Variants in FANCC observed in about 807,000 individuals in gnomAD.
FANCC encodes FA complementation group C.
Under a neutral mutation model 71.3 loss-of-function variants are expected in FANCC, and 55 were observed. The observed-to-expected ratio is 0.77, with a 90% CI of 0.62 to 0.97. The LOEUF (loss-of-function observed/expected upper bound fraction) is 0.97, where lower values mean the gene tolerates loss of function less well. Ranked by LOEUF, FANCC falls within the 50% of genes least tolerant of loss-of-function variation. The pLI, the probability that FANCC is intolerant of heterozygous loss-of-function variation, is 0.00. For missense variants in FANCC, 678 were observed against 670.9 expected, an observed-to-expected ratio of 1.01 and a Z score of -0.12; for synonymous variants, 275 against 244.9, an observed-to-expected ratio of 1.12 and a Z score of -1.15.
At chr9:95,224,442 A>G in intron 4 of FANCC, among the ~76,000 whole-genome samples, 1 of 152,126 alleles carries the variant, frequency 6.6e-6, no homozygotes, top group East Asian at 1.9e-4. Flanking sequence ...TAACAAGATA[A>G]TGCATGCATA....
chr9:95,144,757 G>C (rs1411409034), intron 7 of FANCC, among the ~76,000 whole-genome samples: 2 of 152,204 alleles, frequency 1.3e-5, no homozygotes, highest in African/African-American at 4.8e-5. Flanking sequence ...AATCGCCGTG[G>C]AGAGTAAAAA....
intron 1 of FANCC, chr9:95,294,153 G>C: frequency 6.2e-7 from 1 of 1,605,352 alleles, no homozygotes. Flanking sequence ...TGCCTGCTCA[G>C]ACATTGGATC....
chr9:95,148,345 C>T (rs1337023109), intron 7 of FANCC, among the ~76,000 whole-genome samples: 2 of 152,210 alleles, frequency 1.3e-5, no homozygotes, highest in South Asian at 2.1e-4. Context: ...CACTTGACCA[C>T]TTTTTGTCAT....
At chr9:95,239,651 CTTACA>C (rs1830521223) in intron 4 of FANCC, among the ~76,000 whole-genome samples, 1 of 152,168 alleles carries the variant, frequency 6.6e-6, no homozygotes, top group African/African-American at 2.4e-5. Flanking sequence ...TCTTCAGTTC[CTTACA>C]TTAATTTTCC....
intron 1 of FANCC, among the ~76,000 whole-genome samples, chr9:95,255,124 C>T (rs745784635): frequency 2.6e-5 from 4 of 152,128 alleles, no homozygotes; most frequent in Non-Finnish European, 5.9e-5. Context: ...TGGCTGTGGG[C>T]GCAGCTATAG....
intron 6 of FANCC, among the ~76,000 whole-genome samples, chr9:95,153,490 C>A (rs1482231298): frequency 6.6e-6 from 1 of 152,120 alleles, no homozygotes; most frequent in African/African-American, 2.4e-5. Context: ...CTCTTTTCCC[C>A]ACATCCATGC....
At chr9:95,206,086 G>A (rs1235797790) in intron 4 of FANCC, among the ~76,000 whole-genome samples, 1 of 152,046 alleles carries the variant, frequency 6.6e-6, no homozygotes, top group Non-Finnish European at 1.5e-5. Flanking sequence ...ATAAAAGCTG[G>A]AAAAAGAAAT....
At chr9:95,272,595 G>T (rs1832805707) in intron 1 of FANCC, among the ~76,000 whole-genome samples, 1 of 152,126 alleles carries the variant, frequency 6.6e-6, no homozygotes, top group South Asian at 2.1e-4. Flanking sequence ...TACTCGGGAG[G>T]CTGTGGCGAG....
intron 10 of FANCC, chr9:95,123,536 A>G (rs1825444179): frequency 3.9e-6 from 2 of 517,810 alleles, no homozygotes; most frequent in South Asian, 2.9e-5. Flanking sequence ...GAAAAAAAGA[A>G]GGAACAACGG....
intron 4 of FANCC, among the ~76,000 whole-genome samples, chr9:95,197,294 T>G (rs1827515122): frequency 6.6e-6 from 1 of 152,126 alleles, no homozygotes; most frequent in African/African-American, 2.4e-5. Context: ...CCCAGCACCT[T>G]GAGAGGCCGA....
intron 9 of FANCC, among the ~76,000 whole-genome samples, 176 bp from the exon 10 acceptor site, chr9:95,125,361 G>A (rs1295904906): frequency 6.6e-6 from 1 of 152,190 alleles, no homozygotes; most frequent in Admixed American, 6.5e-5. Flanking sequence ...GTCGCTCCCT[G>A]TTATATTTTC....
At chr9:95,237,502 T>C (rs996015350) in intron 4 of FANCC, among the ~76,000 whole-genome samples, 3 of 152,262 alleles carry the variant, frequency 2.0e-5, no homozygotes. Context: ...TTCTTGATCC[T>C]TCTGCTGTAT....
chr9:95,236,369 T>C (rs911692605), intron 4 of FANCC, among the ~76,000 whole-genome samples: 1 of 152,176 alleles, frequency 6.6e-6, no homozygotes, highest in South Asian at 2.1e-4. Context: ...ATCTGTTCAG[T>C]GGATTTACCA....
intron 4 of FANCC, among the ~76,000 whole-genome samples, chr9:95,194,938 G>A (rs1002721529): frequency 1.3e-5 from 2 of 152,008 alleles, no homozygotes; most frequent in Non-Finnish European, 2.9e-5. Context: ...GGTGGCTCAC[G>A]CCTGTAATCC....
chr9:95,293,488 G>C, intron 1 of FANCC: 1 of 1,579,280 alleles, frequency 6.3e-7, no homozygotes, highest in Non-Finnish European at 8.6e-7. Flanking sequence ...ATAAGTACTG[G>C]TGTTCAAGTG....
intron 4 of FANCC, among the ~76,000 whole-genome samples, chr9:95,172,381 A>G (rs945966493): frequency 7.9e-5 from 12 of 152,234 alleles, no homozygotes; most frequent in Non-Finnish European, 1.6e-4. Flanking sequence ...AAACAAAAAT[A>G]TATATCATCA....
chr9:95,255,268 C>A (rs1298598925), intron 1 of FANCC, among the ~76,000 whole-genome samples: 1 of 152,242 alleles, frequency 6.6e-6, no homozygotes, highest in Non-Finnish European at 1.5e-5. Flanking sequence ...CAAGGAGACA[C>A]TTCCAAGCAG....
At chr9:95,285,191 T>C (rs1406437167) in intron 1 of FANCC, among the ~76,000 whole-genome samples, 1 of 152,058 alleles carries the variant, frequency 6.6e-6, no homozygotes, top group African/African-American at 2.4e-5. Context: ...GAAGTCTCTA[T>C]GTAATTAGGA....
intron 4 of FANCC, among the ~76,000 whole-genome samples, chr9:95,177,273 T>C (rs1202114205): frequency 1.3e-5 from 2 of 152,164 alleles, no homozygotes; most frequent in East Asian, 1.9e-4. Context: ...TATCTAAACA[T>C]AGAAAAGGTA....
Sources: gnomAD v4.1 joint callset for allele counts (sites outside exome capture counted in the v4.1 genomes callset) on GRCh38, gnomAD v4.1.1 for gene constraint, MANE v1.5 for transcripts, NCBI Gene and HGNC (gene_info 2026-07-23, HGNC 2026-07-21) for gene names.